ITPRID1: variants seen among roughly 807,000 people sequenced by gnomAD.
ITPRID1 encodes protein ITPRID1.
In ITPRID1, 96 loss-of-function variants were observed where a neutral mutation model predicts 95.4. That is an observed-to-expected ratio of 1.01 (90% CI 0.85 to 1.19). The LOEUF is 1.19. Ranked by LOEUF, ITPRID1 falls within the 50% of genes most tolerant of loss-of-function variation. The pLI, the probability that ITPRID1 is intolerant of heterozygous loss-of-function variation, is 0.00. For missense variants in ITPRID1, 1,339 were observed against 1,252.9 expected, an observed-to-expected ratio of 1.07 and a Z score of -1.04; for synonymous variants, 510 against 453.6, an observed-to-expected ratio of 1.12 and a Z score of -1.58.
chr7:31,522,463 T>C (rs1264003959), intron 1 of ITPRID1, among the ~76,000 whole-genome samples: 1 of 152,236 alleles, frequency 6.6e-6, no homozygotes, highest in Non-Finnish European at 1.5e-5. Context: ...TCATGGAACT[T>C]ATGAGGAAAG....
At chr7:31,562,358 T>TA (rs1784654271) in intron 5 of ITPRID1, among the ~76,000 whole-genome samples, 1 of 152,202 alleles carries the variant, frequency 6.6e-6, no homozygotes, top group South Asian at 2.1e-4. Context: ...CTGTCAAAGA[T>TA]ATGCTTGGTG....
chr7:31,578,123 T>C lies in ITPRID1; in HGVS notation c.859T>C (p.Phe287Leu). ...GGTGAAGGATGAAGTTTTTGTTCCC[T>C]TTACAAAACCATGGGATTGTGGAGC... Reference protein sequence around the residue: ...FKVKDEVFVPFTKPWDCGAEL... With the variant: ...FKVKDEVFVPLTKPWDCGAEL... The change falls in exon 9 of 15, where the codon TTT (phenylalanine) becomes CTT (leucine). Residue 287 changes from phenylalanine (F) to leucine (L), a missense_variant. Physicochemically the swap from Phe to Leu is conservative, Grantham distance 22. Coordinates refer to ENST00000615280, the MANE Select transcript of ITPRID1 (RefSeq NM_001257967.3). The C allele has an allele frequency of 6.2e-7, 1 of 1,613,690 alleles. No homozygotes were observed. The highest frequency in any genetic ancestry group is 8.5e-7 in the Non-Finnish European group (1 of 1,179,762).
intron 11 of ITPRID1, 45 bp downstream of exon 11, chr7:31,642,303 C>A: frequency 7.8e-7 from 1 of 1,275,172 alleles, no homozygotes; most frequent in Non-Finnish European, 1.1e-6. Flanking sequence ...CCCTAACATC[C>A]CACTTCAGCC....
chr7:31,581,151 A>C (rs1785388206), intron 9 of ITPRID1, among the ~76,000 whole-genome samples: 1 of 152,216 alleles, frequency 6.6e-6, no homozygotes. Flanking sequence ...CATGGCATTT[A>C]AAACAAGAGC....
chr7:31,558,893 T>A (rs1209280590), intron 5 of ITPRID1, among the ~76,000 whole-genome samples: 1 of 152,194 alleles, frequency 6.6e-6, no homozygotes, highest in African/African-American at 2.4e-5. Flanking sequence ...TTTAAGGTTT[T>A]AATGCCACTA....
chr7:31,529,728 A>G, intron 1 of ITPRID1: 1 of 1,517,446 alleles, frequency 6.6e-7, no homozygotes, highest in Non-Finnish European at 8.8e-7. Flanking sequence ...TGGAACATTC[A>G]AGGAGACAAA....
At chr7:31,619,637 C>A (rs529212091) in intron 10 of ITPRID1, among the ~76,000 whole-genome samples, 2 of 151,888 alleles carry the variant, frequency 1.3e-5, no homozygotes, top group Non-Finnish European at 2.9e-5. Context: ...CCAAGATGGC[C>A]GAATAGGAAC....
chr7:31,610,072 G>A (rs1338393328), intron 10 of ITPRID1, among the ~76,000 whole-genome samples: 1 of 151,426 alleles, frequency 6.6e-6, no homozygotes, highest in Admixed American at 6.6e-5. Flanking sequence ...CTACATATTT[G>A]TGAATTGCCT....
chr7:31,637,830 G>C (rs1170105643), intron 10 of ITPRID1, among the ~76,000 whole-genome samples: 1 of 152,186 alleles, frequency 6.6e-6, no homozygotes, highest in Non-Finnish European at 1.5e-5. Context: ...GTCCTGAACA[G>C]TATTGCCTAG....
intron 10 of ITPRID1, among the ~76,000 whole-genome samples, chr7:31,632,824 G>A (rs999221517): frequency 8.5e-5 from 13 of 152,158 alleles, no homozygotes; most frequent in Admixed American, 2.6e-4. Context: ...TGAAAAGCCT[G>A]CCCTGTGAGA....
At chr7:31,590,766 T>C (rs1352666895) in intron 10 of ITPRID1, among the ~76,000 whole-genome samples, 2 of 152,230 alleles carry the variant, frequency 1.3e-5, no homozygotes, top group Non-Finnish European at 2.9e-5. Flanking sequence ...CACAGAGTAG[T>C]GTCATTATAT....
rs143013342 is a variant in ITPRID1, at chr7:31,552,982, T to TTGTG, written c.-23-10_-23-7dup. The TTGTG allele has an allele frequency of 1.9e-6, 3 of 1,584,142 alleles. No individual in the cohort carries two copies. Among genetic ancestry groups the TTGTG allele is most frequent in the African/African-American group, 2.7e-5 (2 of 74,374 alleles). Reference sequence around the variant, plus strand: ...GCTGAACTCATCGTGTCTGATTTGTTTGTGTGTGTGTGTTTTAAGTTAGTT... The same window carrying TTGTG: ...GCTGAACTCATCGTGTCTGATTTGTTTGTGTGTGTGTGTGTGTTTTAAGTTAGTT... On this transcript the variant is annotated intron_variant, in intron 2 of 14. Transcript: ENST00000615280.
chr7:31,545,324 G>T (rs1583479780), intron 1 of ITPRID1, among the ~76,000 whole-genome samples: 1 of 152,036 alleles, frequency 6.6e-6, no homozygotes, highest in Non-Finnish European at 1.5e-5. Context: ...AGTGATGTTG[G>T]AATAGGAGAT....
intron 10 of ITPRID1, among the ~76,000 whole-genome samples, chr7:31,601,323 T>C (rs574836509): frequency 3.9e-4 from 60 of 152,294 alleles, no homozygotes; most frequent in Middle Eastern, 6.8e-3. Context: ...TATTAATTCA[T>C]GGAAACTTTC....
At chr7:31,554,782 T>C (rs1199639947) in intron 4 of ITPRID1, 76 bp from the exon 5 acceptor site, 3 of 1,271,798 alleles carry the variant, frequency 2.4e-6, no homozygotes, top group African/African-American at 3.0e-5. Flanking sequence ...TGCTCTCACC[T>C]GTTTAATTAA....
At chr7:31,547,587 T>C (rs1437224780) in intron 1 of ITPRID1, among the ~76,000 whole-genome samples, 2 of 152,100 alleles carry the variant, frequency 1.3e-5, no homozygotes, top group East Asian at 1.9e-4. Flanking sequence ...ATGGGGACTA[T>C]AGGAACTACA....
chr7:31,555,343 C>T (rs1260732534), intron 5 of ITPRID1: 1 of 153,526 alleles, frequency 6.5e-6, no homozygotes, highest in African/African-American at 2.4e-5. Context: ...TGTCTGAATT[C>T]TAAAGCAAAC....
At chr7:31,547,757 G>A (rs1168300221) in intron 1 of ITPRID1, among the ~76,000 whole-genome samples, 1 of 152,110 alleles carries the variant, frequency 6.6e-6, no homozygotes, top group Non-Finnish European at 1.5e-5. Context: ...TTACTGAGAT[G>A]AAGCACACTA....
chr7:31,644,586 A>G (rs1790305930), intron 12 of ITPRID1, among the ~76,000 whole-genome samples: 1 of 152,154 alleles, frequency 6.6e-6, no homozygotes, highest in Admixed American at 6.5e-5. Flanking sequence ...CTTTTGGTCT[A>G]CCTTTGCTGA....
Sources: gnomAD v4.1 joint callset for allele counts (sites outside exome capture counted in the v4.1 genomes callset) on GRCh38, gnomAD v4.1.1 for gene constraint, MANE v1.5 for transcripts, NCBI Gene and HGNC (gene_info 2026-07-23, HGNC 2026-07-21) for gene names.